The following STK33 variants were observed in gnomAD, a reference collection of about 807,000 sequenced individuals.
The protein encoded by STK33 is serine/threonine-protein kinase 33.
In STK33, 52 loss-of-function variants were observed where a neutral mutation model predicts 58.0. That is an observed-to-expected ratio of 0.90 (90% CI 0.72 to 1.13). STK33 has a LOEUF of 1.13. Ranked by LOEUF, STK33 falls within the 50% of genes most tolerant of loss-of-function variation. The pLI, the probability that STK33 is intolerant of heterozygous loss-of-function variation, is 0.00. For missense variants in STK33, 630 were observed against 604.2 expected (o/e 1.04, Z -0.45); for synonymous variants, 215 against 200.1 (o/e 1.07, Z -0.63).
chr11:8,399,818 C>T (rs1850060820), intron 15 of STK33, among the ~76,000 whole-genome samples: 1 of 152,140 alleles, frequency 6.6e-6, no homozygotes, highest in Non-Finnish European at 1.5e-5. Flanking sequence ...ATACAAACTA[C>T]CATCAGAGAA....
chr11:8,504,031 C>CTT (rs908833130), intron 1 of STK33, among the ~76,000 whole-genome samples: 29 of 152,262 alleles, frequency 1.9e-4, no homozygotes, highest in Middle Eastern at 3.4e-3. Flanking sequence ...AACTGTACTC[C>CTT]TTAAGTTCCC....
rs144870127 is a variant in STK33 at position 8,489,727 on chromosome 11, T to C, written c.-465-9113A>G. On this transcript the variant is annotated intron_variant, in intron 1 of 15. Coordinates refer to ENST00000687296, the MANE Select transcript of STK33 (RefSeq NM_001352389.2). ...AATTAACTTTCCAGCACATAAACTT[T>C]TGGGAGACACATTCAAACCTTAGTG... Among the ~76,000 whole-genome samples the C allele has an allele frequency of 2.1e-3, 316 of 152,322 alleles. 3 individuals are homozygous for C. The highest frequency in any genetic ancestry group is 7.3e-3 in the African/African-American group (304 of 41,574).
At chr11:8,440,360 T>C (rs1404530126) in intron 12 of STK33, among the ~76,000 whole-genome samples, 2 of 152,108 alleles carry the variant, frequency 1.3e-5, no homozygotes, top group Non-Finnish European at 2.9e-5. Flanking sequence ...GTGAACCTCA[T>C]GAGAAAACAC....
At chr11:8,461,940 T>C (rs1410435163) in intron 7 of STK33, 31 bp from the exon 8 acceptor site, 2 of 1,523,700 alleles carry the variant, frequency 1.3e-6, no homozygotes, top group Admixed American at 2.2e-5. Flanking sequence ...AGATTTCACA[T>C]AATGAAAATC....
intron 15 of STK33, among the ~76,000 whole-genome samples, chr11:8,401,404 C>T (rs927046200): frequency 6.6e-6 from 1 of 152,150 alleles, no homozygotes; most frequent in African/African-American, 2.4e-5. Context: ...GCTGGGAAAA[C>T]TGGTTAGCCA....
chr11:8,437,516 T>C (rs1944224324), intron 12 of STK33, among the ~76,000 whole-genome samples: 1 of 152,246 alleles, frequency 6.6e-6, no homozygotes, highest in African/African-American at 2.4e-5. Flanking sequence ...CTCAGGAATA[T>C]ATTTTTATAC....
chr11:8,379,953 G>A, the STK33 span, among the ~76,000 whole-genome samples: 1 of 152,112 alleles, frequency 6.6e-6, no homozygotes, highest in Admixed American at 6.6e-5. Flanking sequence ...TGCAAAGGAC[G>A]TGACCTCATT....
At chr11:8,389,535 C>T (rs528691122), downstream of STK33, among the ~76,000 whole-genome samples, 8 of 152,216 alleles carry the variant, frequency 5.3e-5, no homozygotes, top group African/African-American at 1.2e-4. Flanking sequence ...TAGCCAAGCA[C>T]AGCCATTATA....
chr11:8,470,582 A>G (rs7113037), intron 6 of STK33, among the ~76,000 whole-genome samples: 390 of 152,334 alleles, frequency 2.6e-3, no homozygotes, highest in African/African-American at 6.0e-3. Context: ...CTTTCAGCCT[A>G]TCTTGGCTTT....
chr11:8,363,090 G>A, the STK33 span, among the ~76,000 whole-genome samples: 21 of 152,130 alleles, frequency 1.4e-4, no homozygotes, highest in African/African-American at 3.1e-4. Flanking sequence ...GGTGATGACC[G>A]AAGTGGGAGA....
At chr11:8,534,168 A>C (rs1954773838) in intron 1 of STK33, among the ~76,000 whole-genome samples, 1 of 151,976 alleles carries the variant, frequency 6.6e-6, no homozygotes, top group Admixed American at 6.6e-5. Flanking sequence ...CCAGCTACTC[A>C]GGAGGCTGAG....
chr11:8,417,112 T>C (rs1449625876), intron 14 of STK33, among the ~76,000 whole-genome samples: 2 of 152,114 alleles, frequency 1.3e-5, no homozygotes, highest in Non-Finnish European at 1.5e-5. Context: ...CACCTCACCA[T>C]CAGAACACTA....
In STK33 at chr11:8,513,876, T is replaced by C. The variant is rs556511761; in HGVS notation, c.-465-33262A>G. ...GTACAATTACATGATTATTGACTAC[T>C]GTCACCCTGCAGTGCTATCAAATAC... On this transcript the variant is annotated intron_variant, in intron 1 of 15. Transcript: ENST00000687296. Among the ~76,000 whole-genome samples the C allele has an allele frequency of 1.5e-3, 233 of 152,306 alleles. 2 individuals are homozygous for C. The highest frequency in any genetic ancestry group is 5.5e-3 in the African/African-American group (228 of 41,574).
chr11:8,517,453 C>A lies in STK33; in HGVS notation c.-465-36839G>T, dbSNP rs905355727. Among the ~76,000 whole-genome samples the A allele has an allele frequency of 6.6e-5, 10 of 152,162 alleles. No homozygotes were observed. The East Asian group carries it at 1.5e-3, about 23-fold the overall frequency. On this transcript the variant is annotated intron_variant, in intron 1 of 15. Coordinates refer to ENST00000687296, the MANE Select transcript of STK33 (RefSeq NM_001352389.2). ...TCTCCTCCAAAGCAATGCAGCTCCT[C>A]GCCAGCAACGGAACAAAGCTGGACG...
At chr11:8,585,359 G>A (rs1002729821) in intron 1 of STK33, among the ~76,000 whole-genome samples, 1 of 149,764 alleles carries the variant, frequency 6.7e-6, no homozygotes, top group African/African-American at 2.5e-5. Flanking sequence ...TGAGTAGCTG[G>A]GACTACAGGC....
the STK33 span, among the ~76,000 whole-genome samples, chr11:8,378,460 G>A: frequency 6.6e-6 from 1 of 152,368 alleles, no homozygotes; most frequent in Non-Finnish European, 1.5e-5. Context: ...AGAGGTTGCA[G>A]TGAGTCAAGA....
intron 1 of STK33, among the ~76,000 whole-genome samples, chr11:8,507,845 T>C (rs185232479): frequency 6.6e-6 from 1 of 152,330 alleles, no homozygotes; most frequent in Admixed American, 6.5e-5. Flanking sequence ...TTTGACCTGA[T>C]CTACAATAAC....
chr11:8,560,061 C>T (rs1283017344), intron 1 of STK33, among the ~76,000 whole-genome samples: 1 of 152,070 alleles, frequency 6.6e-6, no homozygotes, highest in African/African-American at 2.4e-5. Flanking sequence ...AAGTAAATTG[C>T]TTCCAAATGG....
chr11:8,403,920 C>T (rs1365497714), intron 15 of STK33, among the ~76,000 whole-genome samples: 1 of 152,220 alleles, frequency 6.6e-6, no homozygotes, highest in African/African-American at 2.4e-5. Context: ...TTACTAGAAA[C>T]TGTTAGCATT....
Sources: allele counts gnomAD v4.1 joint callset (sites outside exome capture counted in the v4.1 genomes callset), GRCh38; gene constraint gnomAD v4.1.1; transcripts MANE v1.5; gene names NCBI Gene and HGNC (gene_info 2026-07-23, HGNC 2026-07-21).